ZNF91: variants seen among roughly 807,000 people sequenced by gnomAD.
ZNF91 encodes zinc finger protein 91, also known as zinc finger protein 91 (HPF7, HTF10).
In ZNF91, 7 loss-of-function variants were observed where a neutral mutation model predicts 12.6. That is an observed-to-expected ratio of 0.55 (90% CI 0.31 to 1.04). The LOEUF (loss-of-function observed/expected upper bound fraction) is 1.04. ZNF91 is among the 50% of genes least tolerant of loss of function. The pLI, the probability that ZNF91 is intolerant of heterozygous loss-of-function variation, is 0.05. For missense variants in ZNF91, 1,217 were observed against 1,385.4 expected (o/e 0.88, Z 1.93); for synonymous variants, 453 against 462.6 (o/e 0.98, Z 0.27).
rs1014555537 is a variant in ZNF91, at chr19:23,357,754, AGTC to A, written c.*1646_*1648del. ...ATTATGACCATAAAAATAATCCTGT[AGTC>A]AACAACAATTTAATTGTACATTTAA... On this transcript the variant is annotated 3_prime_UTR_variant, in exon 4 of 4. Coordinates refer to ENST00000300619, the MANE Select transcript of ZNF91 (RefSeq NM_003430.4). 1.8e-4 allele frequency: 27 copies of A among 152,208 alleles called. No individual in the cohort carries two copies. 9.4% of individuals were successfully genotyped at this position (152,208 alleles called of 1,614,324 possible). A position where few individuals can be genotyped will look rare whatever the true frequency, so the allele number is the denominator to read the frequency against.
chr19:23,327,325 C>A (rs1266229848), intron 1 of ZNF91: 2 of 152,096 alleles, frequency 1.3e-5, no homozygotes, highest in East Asian at 3.8e-4. Flanking sequence ...GTTCTAACTA[C>A]TAAAAATCAA....
chr19:23,314,712 C>T (rs570844985), upstream of ZNF91, among the ~76,000 whole-genome samples: 8 of 152,292 alleles, frequency 5.3e-5, no homozygotes, highest in South Asian at 6.2e-4. Context: ...CCCCAGATGA[C>T]GTAACTCTTC....
At chr19:23,346,751 C>T (rs748377972) in intron 3 of ZNF91, among the ~76,000 whole-genome samples, 19 of 152,178 alleles carry the variant, frequency 1.2e-4, no homozygotes, top group Non-Finnish European at 2.2e-4. Context: ...ACATTGACGG[C>T]AGCTGCTGTC....
Position 23,360,975 on chromosome 19 carries a change from G to A in ZNF91, c.2004C>T (p.Ser668=). The change falls in exon 4 of 4, where the codon AGC becomes AGT. Residue 668 remains serine, a synonymous_variant. Transcript: ENST00000300619. The part of the protein sequence containing the change: ...YKCKECGKAF[S]NSSTLANHKI... Reference sequence around the variant, plus strand: ...TATGATTAGCAAGGGTTGAGGAATTGCTAAAAGCTTTGCCACATTCTTTAC... The same window carrying A: ...TATGATTAGCAAGGGTTGAGGAATTACTAAAAGCTTTGCCACATTCTTTAC... The A allele has an allele frequency of 6.3e-7, 1 of 1,580,872 alleles. No individual in the cohort carries two copies. Among genetic ancestry groups the A allele is most frequent in the East Asian group, 2.4e-5 (1 of 42,152 alleles).
At chr19:23,387,413 C>T (rs1969906870) in intron 1 of ZNF91, among the ~76,000 whole-genome samples, 1 of 152,148 alleles carries the variant, frequency 6.6e-6, no homozygotes, top group Admixed American at 6.5e-5. Context: ...CAATGGTAGA[C>T]TGAATAAAGA....
chr19:23,305,781 C>T (rs1277575683), intron 3 of ZNF91, among the ~76,000 whole-genome samples: 1 of 152,204 alleles, frequency 6.6e-6, no homozygotes, highest in Non-Finnish European at 1.5e-5. Context: ...ATGAGAATAG[C>T]TCATGCATAC....
chr19:23,331,511 G>T (rs1428264799), intron 1 of ZNF91, among the ~76,000 whole-genome samples: 3 of 152,228 alleles, frequency 2.0e-5, no homozygotes, highest in Non-Finnish European at 4.4e-5. Flanking sequence ...CTTCAGGAAA[G>T]CGGATGCTGT....
chr19:23,363,913 A>G (rs1015176930), intron 3 of ZNF91, among the ~76,000 whole-genome samples: 1 of 152,180 alleles, frequency 6.6e-6, no homozygotes, highest in Non-Finnish European at 1.5e-5. Context: ...AAAAATAAAG[A>G]AGCTCAACAA....
At chr19:23,380,515 G>A (rs1480695780) in intron 1 of ZNF91, 2 of 151,824 alleles carry the variant, frequency 1.3e-5, no homozygotes, top group Non-Finnish European at 2.9e-5. Context: ...AGACATTATG[G>A]GATACTAATA....
chr19:23,384,662 CAA>C (rs34953739), intron 1 of ZNF91: 3 of 574,910 alleles, frequency 5.2e-6, no homozygotes, highest in South Asian at 2.4e-5. Flanking sequence ...TCCAAATCGG[CAA>C]AGAGGGCCAA....
At chr19:23,315,398 G>A (rs940168811), upstream of ZNF91, among the ~76,000 whole-genome samples, 6 of 152,066 alleles carry the variant, frequency 3.9e-5, no homozygotes, top group Non-Finnish European at 7.3e-5. Flanking sequence ...CGTATCTCTG[G>A]GCCAAGCAGC....
intron 3 of ZNF91, among the ~76,000 whole-genome samples, chr19:23,349,048 G>C (rs565697076): frequency 2.0e-5 from 3 of 152,252 alleles, no homozygotes; most frequent in South Asian, 2.1e-4. Flanking sequence ...CCAGTTCTCT[G>C]CTCTTGAACC....
At chr19:23,374,482 C>T in intron 2 of ZNF91, among the ~76,000 whole-genome samples, 156 bp downstream of exon 2, 1 of 145,702 alleles carries the variant, frequency 6.9e-6, no homozygotes, top group East Asian at 2.0e-4. Flanking sequence ...ATGGTGTGAA[C>T]CTGGGAGGCA....
chr19:23,348,315 G>A (rs1968279915), intron 3 of ZNF91, among the ~76,000 whole-genome samples: 1 of 152,178 alleles, frequency 6.6e-6, no homozygotes, highest in African/African-American at 2.4e-5. Flanking sequence ...GGAGGGACCA[G>A]CTGAAGCCGT....
In ZNF91 at chr19:23,361,582, T is replaced by G; in HGVS notation, c.1397A>C (p.Glu466Ala). The change falls in exon 4 of 4, where the codon GAA becomes GCA. Residue 466 changes from glutamate to alanine, a missense_variant. Coordinates refer to ENST00000300619, the MANE Select transcript of ZNF91 (RefSeq NM_003430.4). ...AGACCATATAAATGCTTTGCCACAT[T>G]CTTTACATTTGAAGGGTTTCTCTCT... ...HTREKPFKCK[E>A]CGKAFIWSST... The G allele has an allele frequency of 6.2e-7, 1 of 1,613,880 alleles. No individual in the cohort carries two copies. The highest frequency in any genetic ancestry group is 2.2e-5 in the East Asian group (1 of 44,822).
Position 23,385,100 on chromosome 19 carries a change from A to T in ZNF91, c.30+10225T>A, listed in dbSNP as rs1969832472. The T allele has an allele frequency of 3.6e-6, 3 of 842,432 alleles. No homozygotes were observed. In the African/African-American group the frequency reaches 5.0e-5, roughly 14 times the overall value. The allele number at this position is 842,432 out of a possible 1,614,324, so 52.2% of individuals were successfully genotyped here. A position where few individuals can be genotyped will look rare whatever the true frequency, so the allele number is the denominator to read the frequency against. ...CAGGGCAGGGACAGCCACTCCTCCA[A>T]CCTGTCCGAACAGTACCCCGAATGG... On this transcript the variant is annotated intron_variant, in intron 1 of 3. Coordinates refer to ENST00000300619, the MANE Select transcript of ZNF91 (RefSeq NM_003430.4).
At chr19:23,330,029 C>A (rs73563490) in intron 1 of ZNF91, among the ~76,000 whole-genome samples, 97 of 152,338 alleles carry the variant, frequency 6.4e-4, no homozygotes, top group African/African-American at 2.2e-3. Flanking sequence ...GACCATCTCA[C>A]ATAAAAGTTT....
chr19:23,369,267 G>A (rs1243082129), intron 3 of ZNF91, among the ~76,000 whole-genome samples: 1 of 151,632 alleles, frequency 6.6e-6, no homozygotes, highest in African/African-American at 2.4e-5. Context: ...ATAGGATCGT[G>A]CCATTGCACT....
intron 1 of ZNF91, among the ~76,000 whole-genome samples, chr19:23,309,583 A>G (rs895036702): frequency 1.3e-5 from 2 of 151,956 alleles, no homozygotes; most frequent in Non-Finnish European, 2.9e-5. Flanking sequence ...TCTGGCCCAG[A>G]ACTTAGGTGA....
Sources: gnomAD v4.1 joint callset for allele counts (sites outside exome capture counted in the v4.1 genomes callset) on GRCh38, gnomAD v4.1.1 for gene constraint, MANE v1.5 for transcripts, NCBI Gene and HGNC (gene_info 2026-07-23, HGNC 2026-07-21) for gene names.